Variants in SOX12 observed in about 807,000 individuals in gnomAD.
SOX12 encodes SRY-box transcription factor 12.
SOX12 carries 8 observed loss-of-function variants against 21.5 expected under a neutral mutation model. That is an observed-to-expected ratio of 0.37 (90% CI 0.22 to 0.67). The LOEUF is 0.67. Ranked by LOEUF, SOX12 falls within the 30% of genes least tolerant of loss-of-function variation. The probability of loss-of-function intolerance (pLI) is 0.56; values close to 1 mark genes in which losing one functional copy is unlikely to be tolerated. For missense variants in SOX12, 400 were observed against 482.6 expected, an observed-to-expected ratio of 0.83 and a Z score of 1.60; for synonymous variants, 235 against 224.2, an observed-to-expected ratio of 1.05 and a Z score of -0.43.
In SOX12 at chr20:329,705, C is replaced by G. The variant is rs2013162044; in HGVS notation, c.*2833C>G. On this transcript the variant is annotated 3_prime_UTR_variant, in exon 1 of 1. Transcript: ENST00000342665. ...TTTTCCCTCCTTTGTCCCTCTGACA[C>G]CCCTCCCCCTAATTCTCATCTGTCA... 6.0e-6 allele frequency: 1 copy of G among 167,202 alleles called. No individual in the cohort carries two copies. The highest frequency in any genetic ancestry group is 1.5e-5 in the Non-Finnish European group (1 of 68,184). The allele number at this position is 167,202 out of a possible 1,614,324, so 10.4% of individuals were successfully genotyped here. A position where few individuals can be genotyped will look rare whatever the true frequency, so the allele number is the denominator to read the frequency against.
Position 327,062 on chromosome 20 carries a change from C to G in SOX12, c.*190C>G. ...CAGACACACCCCAAGGCAGCCCAAC[C>G]CCCACCCCTTCCCCGACACCCAAGC... On this transcript the variant is annotated 3_prime_UTR_variant, in exon 1 of 1. Coordinates refer to ENST00000342665, the MANE Select transcript of SOX12 (RefSeq NM_006943.4). The G allele has an allele frequency of 6.5e-6, 4 of 618,470 alleles. No individual in the cohort carries two copies. Among genetic ancestry groups the G allele is most frequent in the Non-Finnish European group, 1.2e-5 (4 of 342,584 alleles). 38.3% of individuals were successfully genotyped at this position (618,470 alleles called of 1,614,324 possible). A position where few individuals can be genotyped will look rare whatever the true frequency, so the allele number is the denominator to read the frequency against.
rs546352861 is a variant in SOX12 at position 326,560 on chromosome 20, C to A, written c.636C>A (p.Ala212=). Residue 212 remains alanine (A), a synonymous_variant, in exon 1 of 1, where the codon GCC becomes GCA. Transcript: ENST00000342665. The surrounding 1 kb of genome is among the most constrained non-coding windows in gnomAD (Gnocchi z 9.9). ...RAQGPSGEGA[A]AAAAASPTPS... ...AAGGGCCGTCGGGCGAGGGGGCGGC[C>A]GCCGCCGCCGCCGCCTCCCCGACAC... 1 of 1,487,526 alleles carries A rather than the reference C, an allele frequency of 6.7e-7. No homozygotes were observed. The allele number at this position is 1,487,526 out of a possible 1,614,324, so 92.1% of individuals were successfully genotyped here.
chr20:326,428 C>G lies in SOX12; in HGVS notation c.504C>G (p.Asp168Glu). ...GAAAPEDDDEDDDEELLEVRL... is the reference protein window; with the variant it reads ...GAAAPEDDDEEDDEELLEVRL... ...CGGCGCCCGAGGACGACGATGAAGACGACGACGAGGAGCTGCTGGAAGTGC... is the reference window on the plus strand; with the variant it reads ...CGGCGCCCGAGGACGACGATGAAGAGGACGACGAGGAGCTGCTGGAAGTGC... The change falls in exon 1 of 1, where the codon GAC becomes GAG. Residue 168 changes from aspartate (D) to glutamate (E), a missense_variant. This residue lies in a region of SOX12 where 235 missense variants were observed against 219.3 expected (regional missense o/e 1.07). Transcript: ENST00000342665. This position sits in a 1 kb window ranked among gnomAD's most constrained non-coding sequence, Gnocchi z 9.9. 1.5e-6 allele frequency: 2 copies of G among 1,357,968 alleles called. No homozygotes were observed. Among genetic ancestry groups the G allele is most frequent in the Non-Finnish European group, 1.9e-6 (2 of 1,062,212 alleles). The allele number at this position is 1,357,968 out of a possible 1,614,324, so 84.1% of individuals were successfully genotyped here. A position where few individuals can be genotyped will look rare whatever the true frequency, so the allele number is the denominator to read the frequency against.
In SOX12 at chr20:325,912, G is replaced by A; in HGVS notation, c.-13G>A. The A allele has an allele frequency of 2.6e-6, 3 of 1,140,502 alleles. No homozygotes were observed. Among genetic ancestry groups the A allele is most frequent in the Non-Finnish European group, 3.2e-6 (3 of 929,624 alleles). 70.6% of individuals were successfully genotyped at this position (1,140,502 alleles called of 1,614,324 possible). ...GCCCCCGGCGGCGTCTAGCGGCCCC[G>A]GGCCCAGGCGCGATGGTGCAGCAGC... On this transcript the variant is annotated 5_prime_UTR_variant, in exon 1 of 1. Coordinates refer to ENST00000342665, the MANE Select transcript of SOX12 (RefSeq NM_006943.4). The surrounding 1 kb of genome is among the most constrained non-coding windows in gnomAD (Gnocchi z 5.0).
rs927719460 is a variant in SOX12, at chr20:327,180, C to T, written c.*308C>T. On this transcript the variant is annotated 3_prime_UTR_variant, in exon 1 of 1. Transcript: ENST00000342665. ...TCTCCTACAGACCTGCACCCCTCCC[C>T]CCTTTTGCACACGCCCCTCCTCGTG... The T allele has an allele frequency of 7.5e-6, 3 of 400,286 alleles. No individual in the cohort carries two copies. The highest frequency in any genetic ancestry group is 4.2e-5 in the African/African-American group (2 of 47,568). 24.8% of individuals were successfully genotyped at this position (400,286 alleles called of 1,614,324 possible).
chr20:326,352 C>T lies in SOX12; in HGVS notation c.428C>T (p.Pro143Leu), dbSNP rs1386644328. Residue 143 changes from proline to leucine, a missense_variant, in exon 1 of 1, where the codon CCT becomes CTT. Pro to Leu is a moderately conservative substitution (Grantham distance 98). Coordinates refer to ENST00000342665, the MANE Select transcript of SOX12 (RefSeq NM_006943.4). This position sits in a 1 kb window ranked among gnomAD's most constrained non-coding sequence, Gnocchi z 9.9. ...GSRLKPGPQL[P>L]GRGGRRAAGG... Reference sequence around the variant, plus strand: ...CGGCTCAAGCCCGGGCCGCAGCTGCCTGGCCGCGGGGGCCGCCGAGCAGCG... The same window carrying T: ...CGGCTCAAGCCCGGGCCGCAGCTGCTTGGCCGCGGGGGCCGCCGAGCAGCG... 7.7e-6 allele frequency: 10 copies of T among 1,299,158 alleles called. No individual in the cohort carries two copies. The highest frequency in any genetic ancestry group is 9.8e-6 in the Non-Finnish European group (10 of 1,024,866). 80.5% of individuals were successfully genotyped at this position (1,299,158 alleles called of 1,614,324 possible). A position where few individuals can be genotyped will look rare whatever the true frequency, so the allele number is the denominator to read the frequency against.
Position 326,134 on chromosome 20 carries a change from C to T in SOX12, c.210C>T (p.Ile70=), listed in dbSNP as rs539584501. 4.4e-6 allele frequency: 7 copies of T among 1,601,678 alleles called. No individual in the cohort carries two copies. In the African/African-American group the frequency reaches 6.7e-5, roughly 15 times the overall value. The change falls in exon 1 of 1, where the codon ATC becomes ATT. Residue 70 remains isoleucine (I), a synonymous_variant. Coordinates refer to ENST00000342665, the MANE Select transcript of SOX12 (RefSeq NM_006943.4). This position sits in a 1 kb window ranked among gnomAD's most constrained non-coding sequence, Gnocchi z 9.9. ...DQWPDMHNAE[I]SKRLGRRWQL... ...GGCCCGACATGCACAACGCCGAGAT[C>T]TCCAAGCGCCTGGGCCGCCGCTGGC... is the stretch of plus-strand genomic sequence containing the variant.
In SOX12 at chr20:329,266, T is replaced by C. The variant is rs376038400; in HGVS notation, c.*2394T>C. 2 of 167,140 alleles carry C rather than the reference T, an allele frequency of 1.2e-5. No individual in the cohort carries two copies. The highest frequency in any genetic ancestry group is 4.8e-5 in the African/African-American group (2 of 41,450). The allele number at this position is 167,140 out of a possible 1,614,324, so 10.4% of individuals were successfully genotyped here. A position where few individuals can be genotyped will look rare whatever the true frequency, so the allele number is the denominator to read the frequency against. ...CCACCACTGAGCACCCGTGTGACTC[T>C]TTCCATATGTATAACGTGGGGATAA... On this transcript the variant is annotated 3_prime_UTR_variant, in exon 1 of 1. Coordinates refer to ENST00000342665, the MANE Select transcript of SOX12 (RefSeq NM_006943.4).
chr20:327,285 T>TGCGGCCGGGTGGCAAC lies in SOX12; in HGVS notation c.*416_*431dup, dbSNP rs1324670830. The TGCGGCCGGGTGGCAAC allele has an allele frequency of 9.8e-6, 2 of 203,132 alleles. No homozygotes were observed. Among genetic ancestry groups the TGCGGCCGGGTGGCAAC allele is most frequent in the African/African-American group, 4.8e-5 (2 of 41,526 alleles). 12.6% of individuals were successfully genotyped at this position (203,132 alleles called of 1,614,324 possible). A position where few individuals can be genotyped will look rare whatever the true frequency, so the allele number is the denominator to read the frequency against. On this transcript the variant is annotated 3_prime_UTR_variant, in exon 1 of 1. Coordinates refer to ENST00000342665, the MANE Select transcript of SOX12 (RefSeq NM_006943.4). ...CGCCTTCTCTGGGTTAGGGGGGCGATGCGGCCGGGTGGCAACGCACGCGCC... is the reference window on the plus strand; with the variant it reads ...CGCCTTCTCTGGGTTAGGGGGGCGATGCGGCCGGGTGGCAACGCGGCCGGGTGGCAACGCACGCGCC...
Position 327,607 on chromosome 20 carries a change from C to T in SOX12, c.*735C>T, listed in dbSNP as rs577933786. ...CGGAAGGGTTGGTTTGGGCCTGAAA[C>T]TCTCCCAAGTGGCATAGCCCCTTTT... On this transcript the variant is annotated 3_prime_UTR_variant, in exon 1 of 1. Coordinates refer to ENST00000342665, the MANE Select transcript of SOX12 (RefSeq NM_006943.4). The T allele has an allele frequency of 1.2e-5, 2 of 167,290 alleles. No individual in the cohort carries two copies. Among genetic ancestry groups the T allele is most frequent in the Admixed American group, 6.5e-5 (1 of 15,316 alleles). The allele number at this position is 167,290 out of a possible 1,614,324, so 10.4% of individuals were successfully genotyped here. A position where few individuals can be genotyped will look rare whatever the true frequency, so the allele number is the denominator to read the frequency against.
Position 326,961 on chromosome 20 carries a change from C to T in SOX12, c.*89C>T. 1 of 1,255,608 alleles carries T rather than the reference C, an allele frequency of 8.0e-7. No homozygotes were observed. The highest frequency in any genetic ancestry group is 1.2e-6 in the Non-Finnish European group (1 of 856,506). The allele number at this position is 1,255,608 out of a possible 1,614,324, so 77.8% of individuals were successfully genotyped here. ...GGGGCCCCTCGGAGGCCGAGGCTGGCACCCCATCTCCCGCGCAGCCTGCCC... is the reference window on the plus strand; with the variant it reads ...GGGGCCCCTCGGAGGCCGAGGCTGGTACCCCATCTCCCGCGCAGCCTGCCC... On this transcript the variant is annotated 3_prime_UTR_variant, in exon 1 of 1. Transcript: ENST00000342665. This position sits in a 1 kb window ranked among gnomAD's most constrained non-coding sequence, Gnocchi z 9.9.
Position 326,324 on chromosome 20 carries a change from A to T in SOX12, c.400A>T (p.Ser134Cys), listed in dbSNP as rs1198043967. The T allele has an allele frequency of 8.2e-6, 11 of 1,335,194 alleles. No individual in the cohort carries two copies. Among genetic ancestry groups the T allele is most frequent in the Non-Finnish European group, 9.6e-7 (1 of 1,042,064 alleles). The allele number at this position is 1,335,194 out of a possible 1,614,324, so 82.7% of individuals were successfully genotyped here. The change falls in exon 1 of 1, where the codon AGC (serine) becomes TGC (cysteine). Residue 134 changes from serine (S) to cysteine (C), a missense_variant. This residue lies in a region of SOX12 where 92 missense variants were observed against 162.0 expected (regional missense o/e 0.57). Transcript: ENST00000342665. The surrounding 1 kb of genome is among the most constrained non-coding windows in gnomAD (Gnocchi z 9.9). ...PRPPGGSGGG[S>C]RLKPGPQLPG... is the part of the protein sequence containing the mutation. ...CCCCCCCGGTGGTAGCGGTGGCGGC[A>T]GCCGGCTCAAGCCCGGGCCGCAGCT...
At position 329,011 on chromosome 20, in the gene SOX12, G is replaced by A. The variant is rs933722840; in HGVS notation, c.*2139G>A. The A allele has an allele frequency of 6.0e-6, 1 of 167,102 alleles. No individual in the cohort carries two copies. The highest frequency in any genetic ancestry group is 2.4e-5 in the African/African-American group (1 of 41,474). 10.4% of individuals were successfully genotyped at this position (167,102 alleles called of 1,614,324 possible). A position where few individuals can be genotyped will look rare whatever the true frequency, so the allele number is the denominator to read the frequency against. Reference sequence around the variant, plus strand: ...CTGCCAGTTGTGACCCTGTGGGAATGCAGTCCACAGTGGCCAGGTGGCCAG... The same window carrying A: ...CTGCCAGTTGTGACCCTGTGGGAATACAGTCCACAGTGGCCAGGTGGCCAG... On this transcript the variant is annotated 3_prime_UTR_variant, in exon 1 of 1. Coordinates refer to ENST00000342665, the MANE Select transcript of SOX12 (RefSeq NM_006943.4).
In SOX12 at chr20:326,276, G is replaced by A; in HGVS notation, c.352G>A (p.Ala118Thr). The change falls in exon 1 of 1, where the codon GCG becomes ACG. Residue 118 changes from alanine to threonine, a missense_variant. Ala to Thr is a moderately conservative substitution (Grantham distance 58). Coordinates refer to ENST00000342665, the MANE Select transcript of SOX12 (RefSeq NM_006943.4). The surrounding 1 kb of genome is among the most constrained non-coding windows in gnomAD (Gnocchi z 9.9). ...CCGGCCGCGCAAAAAGAGCAAGGGG[G>A]CGCCCGCCAAGGCGCGGCCCCGCCC... ...KYRPRKKSKG[A>T]PAKARPRPPG... 1 of 1,477,576 alleles carries A rather than the reference G, an allele frequency of 6.8e-7. No homozygotes were observed. Among genetic ancestry groups the A allele is most frequent in the Non-Finnish European group, 9.0e-7 (1 of 1,111,434 alleles). The allele number at this position is 1,477,576 out of a possible 1,614,324, so 91.5% of individuals were successfully genotyped here. A position where few individuals can be genotyped will look rare whatever the true frequency, so the allele number is the denominator to read the frequency against.
chr20:327,300 A>C lies in SOX12; in HGVS notation c.*428A>C. 1 of 202,382 alleles carries C rather than the reference A, an allele frequency of 4.9e-6. No individual in the cohort carries two copies. Among genetic ancestry groups the C allele is most frequent in the Non-Finnish European group, 1.1e-5 (1 of 90,178 alleles). The allele number at this position is 202,382 out of a possible 1,614,324, so 12.5% of individuals were successfully genotyped here. Reference sequence around the variant, plus strand: ...AGGGGGGCGATGCGGCCGGGTGGCAACGCACGCGCCTCCTGCGCCCCTCCC... The same window carrying C: ...AGGGGGGCGATGCGGCCGGGTGGCACCGCACGCGCCTCCTGCGCCCCTCCC... On this transcript the variant is annotated 3_prime_UTR_variant, in exon 1 of 1. Coordinates refer to ENST00000342665, the MANE Select transcript of SOX12 (RefSeq NM_006943.4).
In SOX12 at chr20:325,956, G is replaced by C; in HGVS notation, c.32G>C (p.Arg11Pro). The C allele has an allele frequency of 1.5e-6, 2 of 1,350,444 alleles. No individual in the cohort carries two copies. Among genetic ancestry groups the C allele is most frequent in the Non-Finnish European group, 1.9e-6 (2 of 1,051,580 alleles). The allele number at this position is 1,350,444 out of a possible 1,614,324, so 83.7% of individuals were successfully genotyped here. The change falls in exon 1 of 1, where the codon CGG (arginine) becomes CCG (proline). Residue 11 changes from arginine to proline, a missense_variant. Coordinates refer to ENST00000342665, the MANE Select transcript of SOX12 (RefSeq NM_006943.4). This position sits in a 1 kb window ranked among gnomAD's most constrained non-coding sequence, Gnocchi z 5.0. The part of the protein sequence containing the change: MVQQRGARAK[R>P]DGGPPPPGPG... Reference sequence around the variant, plus strand: ...CAGCAGCGGGGCGCGAGGGCCAAGCGGGACGGCGGGCCGCCGCCCCCGGGA... The same window carrying C: ...CAGCAGCGGGGCGCGAGGGCCAAGCCGGACGGCGGGCCGCCGCCCCCGGGA...
chr20:325,602 G>A lies in SOX12; in HGVS notation c.-323G>A, dbSNP rs1456035375. 5 of 150,342 alleles carry A rather than the reference G, an allele frequency of 3.3e-5. No homozygotes were observed. The highest frequency in any genetic ancestry group is 2.7e-4 in the Admixed American group (4 of 15,092). The allele number at this position is 150,342 out of a possible 1,614,324, so 9.3% of individuals were successfully genotyped here. On this transcript the variant is annotated 5_prime_UTR_variant, in exon 1 of 1. Coordinates refer to ENST00000342665, the MANE Select transcript of SOX12 (RefSeq NM_006943.4). The surrounding 1 kb of genome is among the most constrained non-coding windows in gnomAD (Gnocchi z 5.0). ...GGGAGCGGCGCGCGCGGGCCGCGGC[G>A]GAGCCAGAGGCTGCAGGAAGAGCCC...
rs2013111045 is a variant in SOX12 at position 327,034 on chromosome 20, C to T, written c.*162C>T. 5 of 684,964 alleles carry T rather than the reference C, an allele frequency of 7.3e-6. No homozygotes were observed. The highest frequency in any genetic ancestry group is 1.3e-5 in the Non-Finnish European group (5 of 383,198). The allele number at this position is 684,964 out of a possible 1,614,324, so 42.4% of individuals were successfully genotyped here. Reference sequence around the variant, plus strand: ...CCTCAGATCCAGACATGCCCCTCCCCCGCAGACACACCCCAAGGCAGCCCA... The same window carrying T: ...CCTCAGATCCAGACATGCCCCTCCCTCGCAGACACACCCCAAGGCAGCCCA... On this transcript the variant is annotated 3_prime_UTR_variant, in exon 1 of 1. Coordinates refer to ENST00000342665, the MANE Select transcript of SOX12 (RefSeq NM_006943.4).
Position 326,262 on chromosome 20 carries a change from A to G in SOX12, c.338A>G (p.Lys113Arg), listed in dbSNP as rs2013085141. 6.5e-7 allele frequency: 1 copy of G among 1,534,860 alleles called. No individual in the cohort carries two copies. Among genetic ancestry groups the G allele is most frequent in the Non-Finnish European group, 8.8e-7 (1 of 1,141,828 alleles). The change falls in exon 1 of 1, where the codon AAA (lysine) becomes AGA (arginine). Residue 113 changes from lysine (K) to arginine (R), a missense_variant. Physicochemically the swap from Lys to Arg is conservative, Grantham distance 26 (BLOSUM62 2). Transcript: ENST00000342665. This position sits in a 1 kb window ranked among gnomAD's most constrained non-coding sequence, Gnocchi z 9.9. Reference protein sequence around the residue: ...DYPDYKYRPRKKSKGAPAKAR... With the variant: ...DYPDYKYRPRRKSKGAPAKAR... ...CCGGACTACAAGTACCGGCCGCGCA[A>G]AAAGAGCAAGGGGGCGCCCGCCAAG...
Sources: gnomAD v4.1 joint callset for allele counts on GRCh38, gnomAD v4.1.1 for gene constraint, gnomAD v4.1.1 regional missense constraint, Gnocchi (gnomAD v3.1) non-coding constraint, MANE v1.5 for transcripts, NCBI Gene and HGNC (gene_info 2026-07-23, HGNC 2026-07-21) for gene names.